The following ESRRG variants were observed in gnomAD, a reference collection of about 807,000 sequenced individuals.
ESRRG encodes estrogen related receptor gamma.
Under a neutral mutation model 44.0 loss-of-function variants are expected in ESRRG, and 13 were observed. The ratio of observed to expected loss-of-function variants is 0.30; its 90% CI spans 0.19 to 0.47. The LOEUF (loss-of-function observed/expected upper bound fraction) is 0.47, where lower values mean the gene tolerates loss of function less well. Among genes scored for constraint, ESRRG ranks in the 20% least tolerant of loss-of-function variants. The probability of loss-of-function intolerance (pLI) is 1.00; values close to 1 mark genes in which losing one functional copy is unlikely to be tolerated. For synonymous variants in ESRRG, 215 were observed against 214.6 expected, an observed-to-expected ratio of 1.00 and a Z score of -0.02; for missense variants, 395 against 580.6, an observed-to-expected ratio of 0.68 and a Z score of 3.29.
intron 1 of ESRRG, among the ~76,000 whole-genome samples, chr1:217,056,966 C>T (rs2087238858): frequency 6.6e-6 from 1 of 152,082 alleles, no homozygotes; most frequent in Non-Finnish European, 1.5e-5. Context: ...AACAACAGCT[C>T]TCACTGGGAG....
intron 3 of ESRRG, among the ~76,000 whole-genome samples, chr1:216,636,637 G>A (rs1336176495): frequency 2.0e-5 from 3 of 152,204 alleles, no homozygotes; most frequent in Non-Finnish European, 4.4e-5. Flanking sequence ...TGCATTAACT[G>A]AGGCTGCAAG....
chr1:216,711,991 C>T (rs922243438), intron 1 of ESRRG, among the ~76,000 whole-genome samples: 2 of 152,152 alleles, frequency 1.3e-5, no homozygotes, highest in African/African-American at 4.8e-5. Context: ...ACCTTGCTTT[C>T]ATTCAAAAAA....
At chr1:216,826,895 G>A (rs1255075116) in intron 2 of ESRRG, among the ~76,000 whole-genome samples, 2 of 152,146 alleles carry the variant, frequency 1.3e-5, no homozygotes, top group Admixed American at 6.6e-5. Context: ...AGTTGATCAC[G>A]TGAAGTGACC....
intron 2 of ESRRG, among the ~76,000 whole-genome samples, chr1:216,922,870 G>A (rs1001358968): frequency 2.0e-5 from 3 of 152,110 alleles, no homozygotes; most frequent in Admixed American, 6.5e-5. Flanking sequence ...CGCCATACGG[G>A]TATTTGACAC....
chr1:216,619,382 T>C (rs2061867902), intron 3 of ESRRG, among the ~76,000 whole-genome samples: 2 of 152,242 alleles, frequency 1.3e-5, no homozygotes, highest in African/African-American at 2.4e-5. Context: ...ACCTTCATTC[T>C]ATTGTGGATC....
At chr1:217,119,286 G>A (rs570650278) in intron 1 of ESRRG, among the ~76,000 whole-genome samples, 8 of 152,242 alleles carry the variant, frequency 5.3e-5, no homozygotes, top group Non-Finnish European at 8.8e-5. Flanking sequence ...CACAGATAGA[G>A]GCTGTTTGTG....
intron 1 of ESRRG, among the ~76,000 whole-genome samples, chr1:216,950,190 A>T (rs1477358749): frequency 6.6e-6 from 1 of 152,228 alleles, no homozygotes; most frequent in African/African-American, 2.4e-5. Flanking sequence ...TGCTTCATTT[A>T]CTATTATCTA....
chr1:216,741,238 A>G (rs1559476318), intron 2 of ESRRG, among the ~76,000 whole-genome samples: 1 of 147,142 alleles, frequency 6.8e-6, no homozygotes, highest in African/African-American at 2.5e-5. Context: ...TATATTTATA[A>G]TTTATATTAT....
chr1:217,113,884 T>C (rs1396887944), intron 1 of ESRRG, among the ~76,000 whole-genome samples: 1 of 151,984 alleles, frequency 6.6e-6, no homozygotes, highest in African/African-American at 2.4e-5. Context: ...TCCCAGCTAC[T>C]CCAGAGGCTG....
intron 2 of ESRRG, among the ~76,000 whole-genome samples, chr1:216,674,406 G>A (rs1347861258): frequency 6.6e-6 from 1 of 152,096 alleles, no homozygotes; most frequent in Non-Finnish European, 1.5e-5. Context: ...AAAGATTTTT[G>A]TAAGAAAATA....
chr1:216,536,599 T>C (rs778165174), intron 5 of ESRRG, among the ~76,000 whole-genome samples: 23 of 152,126 alleles, frequency 1.5e-4, no homozygotes, highest in Non-Finnish European at 2.8e-4. Context: ...TTCCTTGTTG[T>C]GATGGTTTCT....
chr1:216,735,820 A>C (rs989326736), intron 2 of ESRRG, among the ~76,000 whole-genome samples: 3 of 151,612 alleles, frequency 2.0e-5, no homozygotes, highest in Admixed American at 1.3e-4. Context: ...CTCTACTAAA[A>C]ATACAAAAAT....
At chr1:216,556,805 A>C (rs558271997) in intron 5 of ESRRG, among the ~76,000 whole-genome samples, 1 of 152,272 alleles carries the variant, frequency 6.6e-6, no homozygotes, top group East Asian at 1.9e-4. Flanking sequence ...TGAAGATGTT[A>C]AAAGCAGAAT....
intron 1 of ESRRG, among the ~76,000 whole-genome samples, chr1:216,703,203 G>T (rs1169193336): frequency 6.6e-6 from 1 of 152,146 alleles, no homozygotes; most frequent in Non-Finnish European, 1.5e-5. Context: ...ACTAACATGT[G>T]CAGGGGTGTC....
At chr1:216,644,689 G>C (rs563851998) in intron 3 of ESRRG, among the ~76,000 whole-genome samples, 1 of 151,986 alleles carries the variant, frequency 6.6e-6, no homozygotes, top group East Asian at 1.9e-4. Flanking sequence ...CTCCCACCTT[G>C]GCCTCCCAAA....
At chr1:216,674,422 A>T (rs2075737024) in intron 2 of ESRRG, among the ~76,000 whole-genome samples, 1 of 152,210 alleles carries the variant, frequency 6.6e-6, no homozygotes, top group Non-Finnish European at 1.5e-5. Flanking sequence ...AAATATCAAT[A>T]AATATAGCAA....
chr1:217,077,942 C>T (rs2091453457), intron 1 of ESRRG, among the ~76,000 whole-genome samples: 1 of 152,166 alleles, frequency 6.6e-6, no homozygotes, highest in African/African-American at 2.4e-5. Context: ...ATAGTTAAAG[C>T]TAACATATTA....
At chr1:216,793,542 G>A (rs1390381876) in intron 2 of ESRRG, among the ~76,000 whole-genome samples, 2 of 152,086 alleles carry the variant, frequency 1.3e-5, no homozygotes, top group East Asian at 1.9e-4. Flanking sequence ...GGATTCCCCT[G>A]CCCTGTCATA....
intron 2 of ESRRG, among the ~76,000 whole-genome samples, chr1:216,910,043 A>T (rs1210901420): frequency 1.3e-5 from 2 of 152,210 alleles, no homozygotes; most frequent in African/African-American, 4.8e-5. Flanking sequence ...TCAATCAGAT[A>T]CATCCTATTT....
Sources: gnomAD v4.1 joint callset for allele counts (sites outside exome capture counted in the v4.1 genomes callset) on GRCh38, gnomAD v4.1.1 for gene constraint, MANE v1.5 for transcripts, NCBI Gene and HGNC (gene_info 2026-07-23, HGNC 2026-07-21) for gene names.